AKR1D1: variants seen among roughly 807,000 people sequenced by gnomAD.
AKR1D1 encodes the protein delta(4)-3-ketosteroid 5-beta-reductase.
Under a neutral mutation model 42.6 loss-of-function variants are expected in AKR1D1, and 32 were observed. That is an observed-to-expected ratio of 0.75 (90% CI 0.57 to 1.01). AKR1D1 has a LOEUF of 1.01. Among genes scored for constraint, AKR1D1 ranks in the 50% least tolerant of loss-of-function variants. The pLI is 0.00. For synonymous variants in AKR1D1, 123 were observed against 135.5 expected (o/e 0.91, Z 0.64); for missense variants, 364 against 402.2 (o/e 0.91, Z 0.81).
intron 7 of AKR1D1, among the ~76,000 whole-genome samples, chr7:138,111,620 G>A (rs1794538445): frequency 6.6e-6 from 1 of 152,034 alleles, no homozygotes; most frequent in Non-Finnish European, 1.5e-5. Context: ...ATTCACTTAG[G>A]ATAATTTGTG....
chr7:138,105,276 G>C (rs1286261332), intron 4 of AKR1D1, 31 bp from the exon 5 acceptor site: 1 of 1,614,012 alleles, frequency 6.2e-7, no homozygotes. Context: ...TGTGAGGCTT[G>C]TTTGTTGACC....
At chr7:138,116,546 A>C in intron 8 of AKR1D1, 74 bp from the exon 9 acceptor site, 1 of 1,522,960 alleles carries the variant, frequency 6.6e-7, no homozygotes, top group Middle Eastern at 1.7e-4. Context: ...TGAAATTCTC[A>C]AAGGATGCTA....
chr7:138,111,214 A>G (rs1794530053), intron 7 of AKR1D1, among the ~76,000 whole-genome samples: 1 of 152,184 alleles, frequency 6.6e-6, no homozygotes, highest in South Asian at 2.1e-4. Context: ...TCCCACCAAC[A>G]TTCACATATG....
At chr7:138,088,841 C>CGT (rs35802315) in intron 2 of AKR1D1, 73 bp downstream of exon 2, 25,614 of 1,101,402 alleles carry the variant, frequency 0.023, 6 homozygotes, top group Middle Eastern at 0.034. Flanking sequence ...ATTCATCTTC[C>CGT]GTGTGTGTGT....
At chr7:138,078,319 A>G (rs1044706281) in intron 1 of AKR1D1, among the ~76,000 whole-genome samples, 1 of 152,156 alleles carries the variant, frequency 6.6e-6, no homozygotes, top group African/African-American at 2.4e-5. Flanking sequence ...AGAAGCAAAG[A>G]AAGAGCATCA....
chr7:138,107,963 C>T (rs1447442770), intron 7 of AKR1D1, among the ~76,000 whole-genome samples: 3 of 152,112 alleles, frequency 2.0e-5, no homozygotes, highest in Admixed American at 6.6e-5. Flanking sequence ...GGATTACAGG[C>T]GTGAGCCACT....
intron 4 of AKR1D1, among the ~76,000 whole-genome samples, chr7:138,102,257 A>G (rs1488612927): frequency 6.6e-6 from 1 of 152,022 alleles, no homozygotes; most frequent in South Asian, 2.1e-4. Context: ...AACCTATAAT[A>G]GCCACAACAA....
chr7:138,092,431 T>C (rs1021188078), intron 3 of AKR1D1, among the ~76,000 whole-genome samples: 1 of 152,216 alleles, frequency 6.6e-6, no homozygotes, highest in Non-Finnish European at 1.5e-5. Context: ...TGTACAATTA[T>C]GTGTTGCTTA....
intron 1 of AKR1D1, among the ~76,000 whole-genome samples, chr7:138,080,387 T>A (rs1353298024): frequency 6.6e-6 from 1 of 152,182 alleles, no homozygotes; most frequent in African/African-American, 2.4e-5. Flanking sequence ...CCATGCTGAC[T>A]GCTTTGGTTT....
At chr7:138,098,944 C>T (rs1187840855) in intron 4 of AKR1D1, among the ~76,000 whole-genome samples, 1 of 152,092 alleles carries the variant, frequency 6.6e-6, no homozygotes, top group Non-Finnish European at 1.5e-5. Flanking sequence ...GTAGAGCAGC[C>T]TTGAGATTCT....
intron 4 of AKR1D1, among the ~76,000 whole-genome samples, chr7:138,102,514 AGCTATACCACT>A (rs1245302744): frequency 6.6e-6 from 1 of 152,156 alleles, no homozygotes; most frequent in Admixed American, 6.5e-5. Flanking sequence ...GGCTGCAGTG[AGCTATACCACT>A]GCAACCCAGC....
chr7:138,088,708 C>T lies in AKR1D1; in HGVS notation c.201C>T (p.Ala67=), dbSNP rs1793989873. The change falls in exon 2 of 9, where the codon GCC becomes GCT. Residue 67 remains alanine (A), a synonymous_variant. Coordinates refer to ENST00000242375, the MANE Select transcript of AKR1D1 (RefSeq NM_005989.4). Reference sequence around the variant, plus strand: ...AAAATGAACACGAAGTTGGGGAGGCCATCAGGGAGAAGATAGCAGAAGGAA... The same window carrying T: ...AAAATGAACACGAAGTTGGGGAGGCTATCAGGGAGAAGATAGCAGAAGGAA... ...IYQNEHEVGE[A]IREKIAEGKV... 1 of 1,613,474 alleles carries T rather than the reference C, an allele frequency of 6.2e-7. No homozygotes were observed. Among genetic ancestry groups the T allele is most frequent in the South Asian group, 1.1e-5 (1 of 90,932 alleles).
At chr7:138,113,129 C>A (rs1191655069) in intron 7 of AKR1D1, among the ~76,000 whole-genome samples, 1 of 152,058 alleles carries the variant, frequency 6.6e-6, no homozygotes. Context: ...CCAGCCTGGG[C>A]AGCATGGTGA....
chr7:138,104,817 GAC>G (rs1794388732), intron 4 of AKR1D1, among the ~76,000 whole-genome samples: 6 of 152,056 alleles, frequency 3.9e-5, no homozygotes, highest in Admixed American at 3.9e-4. Context: ...GGAGTGCAGT[GAC>G]ACAGTTATAA....
intron 2 of AKR1D1, among the ~76,000 whole-genome samples, chr7:138,090,505 C>T (rs1794045483): frequency 6.6e-6 from 1 of 151,774 alleles, no homozygotes; most frequent in Non-Finnish European, 1.5e-5. Flanking sequence ...GGCGTGGTAG[C>T]AGGTGCCTGT....
intron 1 of AKR1D1, among the ~76,000 whole-genome samples, chr7:138,086,921 AT>A (rs1803193691): frequency 6.6e-6 from 1 of 152,238 alleles, no homozygotes; most frequent in African/African-American, 2.4e-5. Flanking sequence ...GAGAAATCTC[AT>A]TGCTGTTTCT....
At chr7:138,113,174 G>A (rs1794567281) in intron 7 of AKR1D1, among the ~76,000 whole-genome samples, 1 of 152,170 alleles carries the variant, frequency 6.6e-6, no homozygotes, top group East Asian at 1.9e-4. Context: ...AAATTAGCCA[G>A]GCATGGCAAA....
intron 2 of AKR1D1, 68 bp from the exon 3 acceptor site, chr7:138,091,700 A>T: frequency 7.9e-7 from 1 of 1,263,722 alleles, no homozygotes. Context: ...TTTTACAAAG[A>T]AAAAGGGGCT....
intron 4 of AKR1D1, among the ~76,000 whole-genome samples, chr7:138,103,686 T>C (rs1370082591): frequency 6.6e-6 from 1 of 152,106 alleles, no homozygotes; most frequent in Non-Finnish European, 1.5e-5. Flanking sequence ...ACTATATTAA[T>C]ATCATATAAC....
Sources: allele counts gnomAD v4.1 joint callset (sites outside exome capture counted in the v4.1 genomes callset), GRCh38; gene constraint gnomAD v4.1.1; transcripts MANE v1.5; gene names NCBI Gene and HGNC (gene_info 2026-07-23, HGNC 2026-07-21).